CYP3A5: variants seen among roughly 807,000 people sequenced by gnomAD.
CYP3A5 encodes cytochrome P450 family 3 subfamily A member 5.
In CYP3A5, 51 loss-of-function variants were observed where a neutral mutation model predicts 55.9. The ratio of observed to expected loss-of-function variants is 0.91; its 90% confidence interval spans 0.73 to 1.15. The LOEUF (loss-of-function observed/expected upper bound fraction) is 1.15, where lower values mean the gene tolerates loss of function less well. Ranked by LOEUF, CYP3A5 falls within the 50% of genes most tolerant of loss-of-function variation. CYP3A5 has a pLI of 0.00. For missense variants in CYP3A5, 533 were observed against 596.6 expected, an observed-to-expected ratio of 0.89 and a Z score of 1.11; for synonymous variants, 196 against 213.9, an observed-to-expected ratio of 0.92 and a Z score of 0.73.
rs1486256213 is a variant in CYP3A5, at chr7:99,676,411, A to G, written c.72-203T>C. The G allele has an allele frequency of 3.3e-5, 49 of 1,498,894 alleles. 1 individual carries two copies. Among genetic ancestry groups the G allele is most frequent in the Non-Finnish European group, 4.3e-5 (48 of 1,115,484 alleles). The allele number at this position is 1,498,894 out of a possible 1,614,324, so 92.8% of individuals were successfully genotyped here. On this transcript the variant is annotated intron_variant, in intron 1 of 12. Transcript: ENST00000222982. ...CTGAGACCCCTGAAAAGTCTCAATG[A>G]TTAGCTGAAAGCAGCTGAAGTCTTC...
chr7:99,665,183 G>T lies in CYP3A5; in HGVS notation c.653C>A (p.Pro218Gln). 6.2e-7 allele frequency: 1 copy of T among 1,612,338 alleles called. No homozygotes were observed. The highest frequency in any genetic ancestry group is 8.5e-7 in the Non-Finnish European group (1 of 1,178,664). ...CCACATACTTATTGAGAGAAATAATGGATCTAAGAAACCAAATTTTAGGAA... is the reference window on the plus strand; with the variant it reads ...CCACATACTTATTGAGAGAAATAATTGATCTAAGAAACCAAATTTTAGGAA... ...KKFLKFGFLDPLFLSIILFPF... is the reference protein window; with the variant it reads ...KKFLKFGFLDQLFLSIILFPF... Residue 218 changes from proline to glutamine, a missense_variant, in exon 7 of 13, where the codon CCA becomes CAA. Pro to Gln is a moderately conservative substitution (Grantham distance 76). Transcript: ENST00000222982.
intron 1 of CYP3A5, chr7:99,676,638 G>A: frequency 5.1e-6 from 5 of 988,210 alleles, no homozygotes; most frequent in Admixed American, 3.8e-5. Context: ...TTGCATCACT[G>A]TATGCACTCA....
At chr7:99,677,603 A>C (rs1215599066) in intron 1 of CYP3A5, among the ~76,000 whole-genome samples, 6 of 152,232 alleles carry the variant, frequency 3.9e-5, no homozygotes, top group Non-Finnish European at 8.8e-5. Context: ...AAAATGTGAT[A>C]AAATAAAACT....
intron 10 of CYP3A5, among the ~76,000 whole-genome samples, chr7:99,658,405 T>C (rs922213860): frequency 6.6e-6 from 1 of 152,198 alleles, no homozygotes; most frequent in Non-Finnish European, 1.5e-5. Flanking sequence ...TGTTGAATAT[T>C]GGCCCCCACT....
intron 10 of CYP3A5, among the ~76,000 whole-genome samples, chr7:99,657,324 C>G (rs954708207): frequency 1.3e-5 from 2 of 152,110 alleles, no homozygotes; most frequent in Non-Finnish European, 2.9e-5. Context: ...TTATTTCTGC[C>G]TTCATTTCGT....
At chr7:99,665,375 A>T in intron 6 of CYP3A5, 61 bp from the exon 7 acceptor site, 3 of 1,594,350 alleles carry the variant, frequency 1.9e-6, no homozygotes, top group Non-Finnish European at 1.7e-6. Context: ...TCCACTATAC[A>T]TGCAGCAAGA....
At chr7:99,674,670 C>A in intron 2 of CYP3A5, 85 bp from the exon 3 acceptor site, 1 of 1,138,260 alleles carries the variant, frequency 8.8e-7, no homozygotes, top group Non-Finnish European at 1.3e-6. Flanking sequence ...ACAGTTGCGT[C>A]CAATGAAATC....
chr7:99,664,167 T>C (rs1392231113), intron 7 of CYP3A5, 72 bp from the exon 8 acceptor site: 1 of 1,188,510 alleles, frequency 8.4e-7, no homozygotes, highest in African/African-American at 1.6e-5. Context: ...ATTATAATTT[T>C]CTCTACCAGT....
intron 10 of CYP3A5, chr7:99,660,006 C>T (rs527885987): frequency 6.1e-6 from 1 of 165,124 alleles, no homozygotes; most frequent in South Asian, 2.0e-4. Context: ...TGACCCCTTG[C>T]ACTTCCCAGG....
At chr7:99,660,686 G>A (rs763425645) in intron 9 of CYP3A5, 27 bp from the exon 10 acceptor site, 7 of 1,612,164 alleles carry the variant, frequency 4.3e-6, no homozygotes, top group Non-Finnish European at 5.9e-6. Context: ...GACATTTTAG[G>A]TAAATCAGGT....
intron 1 of CYP3A5, among the ~76,000 whole-genome samples, chr7:99,679,493 T>C (rs1812618398): frequency 6.6e-6 from 1 of 152,160 alleles, no homozygotes; most frequent in Non-Finnish European, 1.5e-5. Context: ...GATCACACTG[T>C]CCATCATGAT....
intron 8 of CYP3A5, chr7:99,663,285 C>A: frequency 1.0e-6 from 1 of 998,504 alleles, no homozygotes; most frequent in South Asian, 4.4e-5. Flanking sequence ...CCTGACATTT[C>A]CAGAACTCAT....
Position 99,664,003 on chromosome 7 carries a change from T to G in CYP3A5, c.763A>C (p.Arg255=), listed in dbSNP as rs754813442. ...TCGTTGAGGCGACTTTTCTTCATTC[T>G]GTTTACAGATTTACTTAAAAAATTT... is the stretch of plus-strand genomic sequence containing the variant. ...TINFLSKSVN[R]MKKSRLNDKQ... is the part of the protein sequence containing the mutation. The change falls in exon 8 of 13, where the codon AGA becomes CGA. Residue 255 remains arginine (R), a synonymous_variant. Transcript: ENST00000222982. 8.2e-6 allele frequency: 13 copies of G among 1,594,362 alleles called. No individual in the cohort carries two copies. In the South Asian group the frequency reaches 1.5e-4, roughly 19 times the overall value.
At chr7:99,671,935 G>A (rs1811686478) in intron 4 of CYP3A5, 1 of 684,786 alleles carries the variant, frequency 1.5e-6, no homozygotes, top group Non-Finnish European at 2.7e-6. Flanking sequence ...ACACAAACAA[G>A]GGCATGTAAA....
rs1359435916 is a variant in CYP3A5 at position 99,653,956 on chromosome 7, C to T, written c.1027-1177G>A. 1.3e-5 allele frequency among the ~76,000 whole-genome samples: 2 copies of T among 152,182 alleles called. No homozygotes were observed. Among genetic ancestry groups the T allele is most frequent in the Non-Finnish European group, 2.9e-5 (2 of 68,030 alleles). On this transcript the variant is annotated intron_variant, in intron 10 of 12. Coordinates refer to ENST00000222982, the MANE Select transcript of CYP3A5 (RefSeq NM_000777.5). The surrounding 1 kb of genome is among the most constrained non-coding windows in gnomAD (Gnocchi z 4.2). Reference sequence around the variant, plus strand: ...TGGGGAGAGCTGAGTCAGCCTCCATCGCGCCCCCAGGGCCAGGCTACCTCA... The same window carrying T: ...TGGGGAGAGCTGAGTCAGCCTCCATTGCGCCCCCAGGGCCAGGCTACCTCA...
In CYP3A5 at chr7:99,672,583, TC is replaced by T. The variant is rs766144904; in HGVS notation, c.314del (p.Arg105GlnfsTer4). 6.2e-7 allele frequency: 1 copy of T among 1,613,232 alleles called. No homozygotes were observed. Among genetic ancestry groups the T allele is most frequent in the Non-Finnish European group, 8.5e-7 (1 of 1,179,296 alleles). On this transcript the variant is annotated frameshift_variant, in exon 4 of 13. Transcript: ENST00000222982. LOFTEE classifies it high-confidence loss of function. ...VKECYSVFTN[R>X]RSLGPVGFMK... ...ATTTCAAAAAATGGATGCTTACCCTTCGATTTGTGAAGACAGAATAACATTC... is the reference window on the plus strand; with the variant it reads ...ATTTCAAAAAATGGATGCTTACCCTTGATTTGTGAAGACAGAATAACATTC...
intron 11 of CYP3A5, among the ~76,000 whole-genome samples, chr7:99,651,484 G>A (rs766394270): frequency 6.6e-6 from 1 of 152,128 alleles, no homozygotes; most frequent in Admixed American, 6.5e-5. Flanking sequence ...TGCTGAGCTT[G>A]CAGGAAACAT....
chr7:99,670,931 A>G (rs529686045), intron 4 of CYP3A5: 40 of 152,358 alleles, frequency 2.6e-4, no homozygotes, highest in African/African-American at 9.4e-4. Flanking sequence ...AATAAAAAAT[A>G]TCAAAAAAGT....
rs1253401352 is a variant in CYP3A5, at chr7:99,679,933, T to C, written c.-37A>G. 3 of 1,582,370 alleles carry C rather than the reference T, an allele frequency of 1.9e-6. No individual in the cohort carries two copies. Among genetic ancestry groups the C allele is most frequent in the Non-Finnish European group, 2.6e-6 (3 of 1,151,376 alleles). On this transcript the variant is annotated 5_prime_UTR_variant, in exon 1 of 13. Coordinates refer to ENST00000222982, the MANE Select transcript of CYP3A5 (RefSeq NM_000777.5). ...TTCTTCAACTGTGTTCTGTGAGTCT[T>C]CCTTTTAGCTGAGTGCTGCTGTTTG...
Sources: gnomAD v4.1 joint callset for allele counts (sites outside exome capture counted in the v4.1 genomes callset) on GRCh38, gnomAD v4.1.1 for gene constraint, Gnocchi (gnomAD v3.1) non-coding constraint, MANE v1.5 for transcripts, NCBI Gene and HGNC (gene_info 2026-07-23, HGNC 2026-07-21) for gene names.